The following PPFIBP1 variants were observed in gnomAD, a reference collection of about 807,000 sequenced individuals.
The protein encoded by PPFIBP1 is liprin-beta-1.
Under a neutral mutation model 137.8 loss-of-function variants are expected in PPFIBP1, and 112 were observed. That is an observed-to-expected ratio of 0.81 (90% CI 0.70 to 0.95). PPFIBP1 has a LOEUF of 0.95. Among genes scored for constraint, PPFIBP1 ranks in the 40% least tolerant of loss-of-function variants. PPFIBP1 has a pLI of 0.00. For missense variants in PPFIBP1, 1,083 were observed against 1,196.6 expected (o/e 0.91, Z 1.40); for synonymous variants, 378 against 417.3 (o/e 0.91, Z 1.15).
At position 27,542,446 on chromosome 12, in the gene PPFIBP1, C is replaced by T. The variant is rs34451472; in HGVS notation, c.-124+18081C>T. ...GGTGCAAAAGTAATTGCGGTTTTTG[C>T]CATTACTTGCAATGCCAAAACAGCA... is the stretch of plus-strand genomic sequence containing the variant. On this transcript the variant is annotated intron_variant, in intron 1 of 29. Coordinates refer to ENST00000228425, the MANE Select transcript of PPFIBP1 (RefSeq NM_003622.4). Among the ~76,000 whole-genome samples, 601 of 152,266 alleles carry T rather than the reference C, an allele frequency of 3.9e-3. 4 individuals carry two copies. The highest frequency in any genetic ancestry group is 5.8e-3 in the Non-Finnish European group (394 of 68,016).
intron 13 of PPFIBP1, among the ~76,000 whole-genome samples, chr12:27,667,923 A>T (rs1476605060): frequency 2.0e-5 from 3 of 152,094 alleles, no homozygotes; most frequent in Non-Finnish European, 4.4e-5. Flanking sequence ...GCCTGTTATG[A>T]TTTATCTCAG....
At chr12:27,687,550 G>C (rs543338055) in intron 25 of PPFIBP1, 43 bp downstream of exon 25, 3 of 1,603,100 alleles carry the variant, frequency 1.9e-6, no homozygotes, top group Middle Eastern at 3.9e-4. Flanking sequence ...CACTTCCCAG[G>C]CATGGGACTG....
rs60576797 is a variant in PPFIBP1 at position 27,659,660 on chromosome 12, T to TA, written c.844+826dup. ...TGGGCAACACTGACACCCCATCTCTTAAAAAAAAAAAAAATTAACTCCTTA... is the reference window on the plus strand; with the variant it reads ...TGGGCAACACTGACACCCCATCTCTTAAAAAAAAAAAAAAATTAACTCCTTA... On this transcript the variant is annotated intron_variant, in intron 10 of 29. Transcript: ENST00000228425. 4.7e-5 allele frequency among the ~76,000 whole-genome samples: 7 copies of TA among 149,540 alleles called. 1 individual carries two copies. Among genetic ancestry groups the TA allele is most frequent in the African/African-American group, 9.8e-5 (4 of 40,794 alleles).
chr12:27,630,181 A>G (rs1220483088), intron 2 of PPFIBP1, among the ~76,000 whole-genome samples: 1 of 152,118 alleles, frequency 6.6e-6, no homozygotes, highest in Non-Finnish European at 1.5e-5. Flanking sequence ...AGGACAATAG[A>G]CTTAAATCCA....
chr12:27,543,920 G>T (rs1592350932), intron 1 of PPFIBP1, among the ~76,000 whole-genome samples: 1 of 108,800 alleles, frequency 9.2e-6, no homozygotes. Flanking sequence ...TCACTCTGTT[G>T]TCCAGGCTGG....
chr12:27,598,853 G>A (rs2053633802), intron 2 of PPFIBP1, among the ~76,000 whole-genome samples: 1 of 152,094 alleles, frequency 6.6e-6, no homozygotes, highest in African/African-American at 2.4e-5. Context: ...TAGACTTGCA[G>A]GTCTAGCTTC....
At position 27,616,643 on chromosome 12, in the gene PPFIBP1, A is replaced by G. The variant is rs760036359; in HGVS notation, c.-35-16719A>G. 2.6e-5 allele frequency among the ~76,000 whole-genome samples: 4 copies of G among 152,252 alleles called. No homozygotes were observed. In the South Asian group the frequency reaches 6.2e-4, roughly 24 times the overall value. On this transcript the variant is annotated intron_variant, in intron 2 of 29. Coordinates refer to ENST00000228425, the MANE Select transcript of PPFIBP1 (RefSeq NM_003622.4). ...GAGGAATGGAAGAGATTGAAGATGTAAAAGAGTGAAGGAATAATTGTCTGA... is the reference window on the plus strand; with the variant it reads ...GAGGAATGGAAGAGATTGAAGATGTGAAAGAGTGAAGGAATAATTGTCTGA...
chr12:27,673,310 A>G (rs1161425486), intron 15 of PPFIBP1, among the ~76,000 whole-genome samples: 1 of 152,250 alleles, frequency 6.6e-6, no homozygotes, highest in Admixed American at 6.5e-5. Flanking sequence ...AATTAGAACT[A>G]TAAAATGAAT....
At chr12:27,557,959 G>C (rs2048837806) in intron 1 of PPFIBP1, among the ~76,000 whole-genome samples, 1 of 152,172 alleles carries the variant, frequency 6.6e-6, no homozygotes, top group Admixed American at 6.5e-5. Context: ...CAGATCACTT[G>C]GTTGTTTAAG....
intron 1 of PPFIBP1, among the ~76,000 whole-genome samples, chr12:27,525,008 T>C (rs1021388133): frequency 3.3e-5 from 5 of 152,152 alleles, no homozygotes; most frequent in Admixed American, 2.6e-4. Context: ...GCTGCCAGCT[T>C]TATATCTGGA....
chr12:27,667,690 A>G (rs1408540316), intron 13 of PPFIBP1, among the ~76,000 whole-genome samples: 1 of 152,244 alleles, frequency 6.6e-6, no homozygotes, highest in Non-Finnish European at 1.5e-5. Flanking sequence ...AGCAGGGTTC[A>G]GCATGAGCAT....
chr12:27,691,869 T>C lies in PPFIBP1; in HGVS notation c.2806T>C (p.Phe936Leu). 7 of 1,614,092 alleles carry C rather than the reference T, an allele frequency of 4.3e-6. No individual in the cohort carries two copies. Among genetic ancestry groups the C allele is most frequent in the Non-Finnish European group, 5.9e-6 (7 of 1,179,972 alleles). ...QASGSASKKG[F>L]KPGLDMRLYE... ...ATCAGGAAGTGCATCTAAGAAAGGA[T>C]TTAAACCTGGTTTGGATATGCGCCT... Residue 936 changes from phenylalanine to leucine, a missense_variant, in exon 28 of 30, where the codon TTT (phenylalanine) becomes CTT (leucine). By Grantham distance (22) the Phe-to-Leu change is conservative. Transcript: ENST00000228425.
At chr12:27,584,458 T>C (rs10771346) in intron 2 of PPFIBP1, 66,817 of 152,158 alleles carry the variant, frequency 0.44, 15,447 homozygotes, top group Non-Finnish European at 0.52. Context: ...GACCGAGAAT[T>C]CTCGCTCCTT....
At chr12:27,555,285 T>C (rs1340302125) in intron 1 of PPFIBP1, among the ~76,000 whole-genome samples, 1 of 152,226 alleles carries the variant, frequency 6.6e-6, no homozygotes, top group African/African-American at 2.4e-5. Flanking sequence ...AGAAAGGCAC[T>C]CTTTGCTGTG....
intron 1 of PPFIBP1, among the ~76,000 whole-genome samples, chr12:27,540,705 AC>A (rs1184034359): frequency 6.6e-6 from 1 of 152,238 alleles, no homozygotes; most frequent in Non-Finnish European, 1.5e-5. Context: ...TCCTGTTAGC[AC>A]AGTGATGTTC....
chr12:27,592,872 G>A lies in PPFIBP1; in HGVS notation c.-36+14633G>A. On this transcript the variant is annotated intron_variant, in intron 2 of 29. Transcript: ENST00000228425. ...TAGCCCAAGTAGGCTGGGTGCGATG[G>A]CTCACACCTGTAGTATCAGCACTTT... is the stretch of plus-strand genomic sequence containing the variant. 5.8e-6 allele frequency: 3 copies of A among 515,482 alleles called. No individual in the cohort carries two copies. In the South Asian group the frequency reaches 6.5e-5, roughly 11 times the overall value. The allele number at this position is 515,482 out of a possible 1,614,324, so 31.9% of individuals were successfully genotyped here.
intron 2 of PPFIBP1, among the ~76,000 whole-genome samples, chr12:27,578,865 G>A (rs1454282452): frequency 6.6e-6 from 1 of 152,162 alleles, no homozygotes; most frequent in Admixed American, 6.5e-5. Context: ...ACCCTTGCAG[G>A]GTAACAGTTA....
At chr12:27,667,650 G>C (rs903941663) in intron 13 of PPFIBP1, among the ~76,000 whole-genome samples, 5 of 152,242 alleles carry the variant, frequency 3.3e-5, no homozygotes, top group Non-Finnish European at 7.3e-5. Flanking sequence ...TTCAATGACA[G>C]CATTTCTTTT....
chr12:27,524,220 G>C lies in PPFIBP1; in HGVS notation c.-269G>C, dbSNP rs1943452218. 1 of 152,876 alleles carries C rather than the reference G, an allele frequency of 6.5e-6. No individual in the cohort carries two copies. The highest frequency in any genetic ancestry group is 2.4e-5 in the African/African-American group (1 of 41,474). 9.5% of individuals were successfully genotyped at this position (152,876 alleles called of 1,614,324 possible). A position where few individuals can be genotyped will look rare whatever the true frequency, so the allele number is the denominator to read the frequency against. ...GGTGCCTGCCCGGATTCCTGACATG[G>C]TGTAGTGCAGGCAGGGTGGGGAAAG... is the stretch of plus-strand genomic sequence containing the variant. On this transcript the variant is annotated 5_prime_UTR_variant, in exon 1 of 30. Transcript: ENST00000228425.
Sources: gnomAD v4.1 joint callset for allele counts (sites outside exome capture counted in the v4.1 genomes callset) on GRCh38, gnomAD v4.1.1 for gene constraint, MANE v1.5 for transcripts, NCBI Gene and HGNC (gene_info 2026-07-23, HGNC 2026-07-21) for gene names.